Variants in TTC12 observed in about 807,000 individuals in gnomAD.
The protein encoded by TTC12 is tetratricopeptide repeat domain 12.
TTC12 carries 70 observed loss-of-function variants against 90.1 expected under a neutral mutation model. The ratio of observed to expected loss-of-function variants is 0.78; its 90% CI spans 0.64 to 0.95. TTC12 has a LOEUF of 0.95. TTC12 is among the 40% of genes least tolerant of loss of function. The pLI, the probability that TTC12 is intolerant of heterozygous loss-of-function variation, is 0.00. For synonymous variants in TTC12, 296 were observed against 311.5 expected (o/e 0.95, Z 0.53); for missense variants, 819 against 846.1 (o/e 0.97, Z 0.40).
Position 113,339,268 on chromosome 11 carries a change from C to T in TTC12, c.638-18C>T, listed in dbSNP as rs782026191. The T allele has an allele frequency of 3.8e-6, 6 of 1,582,300 alleles. No homozygotes were observed. The South Asian group carries it at 6.9e-5, about 18-fold the overall frequency. On this transcript the variant is annotated intron_variant, in intron 9 of 21. Coordinates refer to ENST00000529221, the MANE Select transcript of TTC12 (RefSeq NM_017868.4). ...GATTGTTAGGGTTTTGTTTTGCTTT[C>T]CTTTCTTGTTTTTCTAGGTTACCTG...
At position 113,359,965 on chromosome 11, in the gene TTC12, G is replaced by T. The variant is rs1055613735; in HGVS notation, c.1571G>T (p.Arg524Met). Reference protein sequence around the residue: ...SEVWAVEVSRRCLSLLNSQDG... With the variant: ...SEVWAVEVSRMCLSLLNSQDG... ...GTTTGGGCTGTGGAGGTGAGCAGAA[G>T]GTGCCTGTCTTTACTAAACAGCCAG... Residue 524 changes from arginine to methionine, a missense_variant, in exon 18 of 22, where the codon AGG becomes ATG. Physicochemically the swap from Arg to Met is moderately conservative, Grantham distance 91. Transcript: ENST00000529221. The T allele has an allele frequency of 1.9e-6, 3 of 1,599,698 alleles. No individual in the cohort carries two copies. The highest frequency in any genetic ancestry group is 2.3e-5 in the South Asian group (2 of 87,506).
chr11:113,322,433 GGAAGGA>G (rs1427798453), intron 2 of TTC12, among the ~76,000 whole-genome samples: 1 of 152,212 alleles, frequency 6.6e-6, no homozygotes, highest in Admixed American at 6.5e-5. Flanking sequence ...CTGGTAGTAA[GGAAGGA>G]TGGATGTAGG....
intron 11 of TTC12, among the ~76,000 whole-genome samples, chr11:113,341,461 T>C (rs1268188409): frequency 1.3e-5 from 2 of 152,246 alleles, no homozygotes; most frequent in South Asian, 2.1e-4. Context: ...TATGGTAGGA[T>C]GCAGTTTGCT....
At chr11:113,336,160 T>C (rs1360527303) in intron 8 of TTC12, among the ~76,000 whole-genome samples, 1 of 152,180 alleles carries the variant, frequency 6.6e-6, no homozygotes, top group Non-Finnish European at 1.5e-5. Flanking sequence ...CTGCATTTTT[T>C]TGGTGACTAA....
downstream of TTC12, chr11:113,368,982 C>T (rs72997526): frequency 5.1e-4 from 82 of 160,240 alleles, no homozygotes; most frequent in Admixed American, 1.6e-3. Context: ...CCAAGGGTTC[C>T]GTTACAGGAG....
At chr11:113,370,774 C>T (rs931872515), downstream of TTC12, among the ~76,000 whole-genome samples, 4 of 152,230 alleles carry the variant, frequency 2.6e-5, no homozygotes, top group African/African-American at 9.6e-5. Context: ...GGGCTCCTGT[C>T]ACCAGCGGGT....
At chr11:113,336,789 A>G (rs963574587) in intron 8 of TTC12, among the ~76,000 whole-genome samples, 10 of 152,202 alleles carry the variant, frequency 6.6e-5, no homozygotes, top group Admixed American at 2.0e-4. Context: ...AGAGCCTTCA[A>G]CTTTGTTCCT....
intron 2 of TTC12, among the ~76,000 whole-genome samples, chr11:113,322,525 T>A (rs952327837): frequency 2.0e-5 from 3 of 152,164 alleles, no homozygotes; most frequent in African/African-American, 7.2e-5. Flanking sequence ...AATAAGGGCA[T>A]CTTTTTGAGA....
At chr11:113,340,804 C>T (rs1202919898) in intron 11 of TTC12, 71 bp downstream of exon 11, 9 of 1,295,668 alleles carry the variant, frequency 6.9e-6, no homozygotes, top group East Asian at 6.9e-5. Context: ...AAATCAGACA[C>T]GAGGCACATA....
intron 6 of TTC12, among the ~76,000 whole-genome samples, chr11:113,326,215 A>G (rs940443547): frequency 2.0e-5 from 3 of 152,212 alleles, no homozygotes; most frequent in African/African-American, 7.2e-5. Context: ...AAATGAGCTC[A>G]ATTTCCTGGA....
intron 1 of TTC12, among the ~76,000 whole-genome samples, chr11:113,315,594 A>G (rs538572381): frequency 5.6e-4 from 85 of 152,282 alleles, no homozygotes; most frequent in African/African-American, 2.0e-3. Flanking sequence ...GATTTTTATG[A>G]TCTGTGGATG....
Position 113,350,515 on chromosome 11 carries a change from GAGCGAGCC to G in TTC12, c.1247+362_1247+369del, listed in dbSNP as rs1178112693. ...CAGCAAATTTGCGTTGAATGAACCT[GAGCGAGCC>G]AGCGAGCCAGCAAGCAAGAATGAAC... On this transcript the variant is annotated intron_variant, in intron 14 of 21. Coordinates refer to ENST00000529221, the MANE Select transcript of TTC12 (RefSeq NM_017868.4). Among the ~76,000 whole-genome samples, 8 of 152,346 alleles carry G rather than the reference GAGCGAGCC, an allele frequency of 5.3e-5. No homozygotes were observed. In the East Asian group the frequency reaches 1.5e-3, roughly 29 times the overall value.
In TTC12 at chr11:113,359,950, T is replaced by A; in HGVS notation, c.1556T>A (p.Val519Glu). ...TCCCCATTGTTGTAGGTTTGGGCTGTGGAGGTGAGCAGAAGGTGCCTGTCT... is the reference window on the plus strand; with the variant it reads ...TCCCCATTGTTGTAGGTTTGGGCTGAGGAGGTGAGCAGAAGGTGCCTGTCT... ...QAPFVSEVWA[V>E]EVSRRCLSLL... The change falls in exon 18 of 22, where the codon GTG (valine) becomes GAG (glutamate). Residue 519 changes from valine to glutamate, a missense_variant. Val to Glu is a moderately radical substitution (Grantham distance 121). Coordinates refer to ENST00000529221, the MANE Select transcript of TTC12 (RefSeq NM_017868.4). The A allele has an allele frequency of 6.3e-7, 1 of 1,597,134 alleles. No individual in the cohort carries two copies. The highest frequency in any genetic ancestry group is 8.5e-7 in the Non-Finnish European group (1 of 1,172,142).
intron 20 of TTC12, chr11:113,364,421 C>T (rs1188010169): frequency 8.3e-6 from 2 of 241,490 alleles, no homozygotes; most frequent in Non-Finnish European, 1.6e-5. Flanking sequence ...ACCATGGAAG[C>T]GGCAAGCCTT....
intron 14 of TTC12, 86 bp from the exon 15 acceptor site, chr11:113,351,153 T>C (rs1231564975): frequency 7.8e-6 from 10 of 1,277,528 alleles, no homozygotes; most frequent in Admixed American, 7.1e-5. Flanking sequence ...GACCTAGAGT[T>C]TGCAACATTA....
intron 13 of TTC12, among the ~76,000 whole-genome samples, chr11:113,344,798 A>G (rs141708173): frequency 6.6e-6 from 1 of 152,100 alleles, no homozygotes; most frequent in African/African-American, 2.4e-5. Context: ...TTCTTCTTTC[A>G]TTCTTATTTG....
At chr11:113,352,353 T>C in intron 16 of TTC12, 146 bp downstream of exon 16, 1 of 934,540 alleles carries the variant, frequency 1.1e-6, no homozygotes. Context: ...CCACGGATTT[T>C]ATGCACTGCT....
Position 113,362,385 on chromosome 11 carries a change from T to C in TTC12, c.1615-16T>C. The C allele has an allele frequency of 1.9e-6, 3 of 1,593,936 alleles. No homozygotes were observed. Among genetic ancestry groups the C allele is most frequent in the Middle Eastern group, 1.7e-4 (1 of 6,024 alleles). ...CTGAAAAGGACATTTAATTATCCTC[T>C]TTCTGCTGTACTCAGAGAGCTGCTG... On this transcript the variant is annotated splice_polypyrimidine_tract_variant and intron_variant, in intron 18 of 21. Coordinates refer to ENST00000529221, the MANE Select transcript of TTC12 (RefSeq NM_017868.4).
intron 19 of TTC12, among the ~76,000 whole-genome samples, chr11:113,363,143 G>T (rs1950023393): frequency 6.6e-6 from 1 of 152,212 alleles, no homozygotes; most frequent in Non-Finnish European, 1.5e-5. Context: ...AAAGCATCAG[G>T]CTGAGTGGCG....
Sources: allele counts gnomAD v4.1 joint callset (sites outside exome capture counted in the v4.1 genomes callset), GRCh38; gene constraint gnomAD v4.1.1; transcripts MANE v1.5; gene names NCBI Gene and HGNC (gene_info 2026-07-23, HGNC 2026-07-21).